Variants in DCC observed in about 807,000 individuals in gnomAD.
DCC encodes the protein DCC netrin 1 receptor.
A neutral mutation model predicts 172.5 loss-of-function variants in DCC; 58 were observed. That is an observed-to-expected ratio of 0.34 (90% CI 0.27 to 0.42). The LOEUF (loss-of-function observed/expected upper bound fraction) is 0.42, where lower values mean the gene tolerates loss of function less well. Among genes scored for constraint, DCC ranks in the 10% least tolerant of loss-of-function variants. The pLI, the probability that DCC is intolerant of heterozygous loss-of-function variation, is 1.00. For missense variants in DCC, 1,740 were observed against 1,791.0 expected (o/e 0.97, Z 0.51); for synonymous variants, 709 against 644.5 (o/e 1.10, Z -1.52).
chr18:52,382,432 C>G (rs748056440), intron 1 of DCC, among the ~76,000 whole-genome samples: 1 of 151,862 alleles, frequency 6.6e-6, no homozygotes, highest in African/African-American at 2.4e-5. Context: ...AAATAAATGC[C>G]TTAATGAAGA....
chr18:52,667,947 A>G (rs2035483927), intron 1 of DCC, among the ~76,000 whole-genome samples: 1 of 152,180 alleles, frequency 6.6e-6, no homozygotes, highest in African/African-American at 2.4e-5. Flanking sequence ...CAAAAAAGAA[A>G]GAAGACATGT....
At chr18:53,366,137 A>G (rs1198492462) in intron 15 of DCC, among the ~76,000 whole-genome samples, 1 of 152,016 alleles carries the variant, frequency 6.6e-6, no homozygotes, top group Non-Finnish European at 1.5e-5. Context: ...GCTCACTGCA[A>G]TCTCCGCCTC....
At chr18:53,433,934 C>T (rs1273742148) in intron 21 of DCC, among the ~76,000 whole-genome samples, 3 of 152,164 alleles carry the variant, frequency 2.0e-5, no homozygotes, top group Non-Finnish European at 4.4e-5. Flanking sequence ...ATTTGACATC[C>T]TAACTTCAGC....
intron 1 of DCC, among the ~76,000 whole-genome samples, chr18:52,704,903 T>A (rs761105717): frequency 6.6e-6 from 1 of 152,194 alleles, no homozygotes; most frequent in Non-Finnish European, 1.5e-5. Flanking sequence ...GAGGCTATGT[T>A]GCAGCCTGGC....
chr18:52,501,739 A>T (rs548538823), intron 1 of DCC, among the ~76,000 whole-genome samples: 1 of 152,126 alleles, frequency 6.6e-6, no homozygotes, highest in African/African-American at 2.4e-5. Context: ...TGCTGTCAAA[A>T]TTTCTGAGTG....
At chr18:53,093,536 G>A (rs563731526) in intron 7 of DCC, among the ~76,000 whole-genome samples, 4 of 152,148 alleles carry the variant, frequency 2.6e-5, no homozygotes, top group Admixed American at 6.6e-5. Flanking sequence ...AAAAGGAAGC[G>A]TTAGGCATGC....
chr18:52,697,424 T>C (rs922728754), intron 1 of DCC, among the ~76,000 whole-genome samples: 1 of 152,260 alleles, frequency 6.6e-6, no homozygotes, highest in Non-Finnish European at 1.5e-5. Context: ...CCTAGAGGTC[T>C]CTTATCTCTG....
intron 14 of DCC, among the ~76,000 whole-genome samples, chr18:53,330,718 A>C (rs2057521624): frequency 6.6e-6 from 1 of 152,042 alleles, no homozygotes; most frequent in Non-Finnish European, 1.5e-5. Flanking sequence ...AAGCCTTTGG[A>C]CTTAGCAAGC....
intron 5 of DCC, among the ~76,000 whole-genome samples, chr18:53,047,562 G>A (rs907819411): frequency 2.0e-4 from 29 of 142,298 alleles, no homozygotes; most frequent in African/African-American, 4.5e-4. Context: ...CCTACCCTTC[G>A]TTGCCTTCAA....
intron 1 of DCC, among the ~76,000 whole-genome samples, chr18:52,692,976 G>A (rs1411057087): frequency 6.6e-6 from 1 of 152,102 alleles, no homozygotes; most frequent in Non-Finnish European, 1.5e-5. Flanking sequence ...TAGAAGCCAG[G>A]AGAGTTTGCC....
chr18:52,980,375 C>G (rs539721515), intron 5 of DCC, among the ~76,000 whole-genome samples: 2 of 151,996 alleles, frequency 1.3e-5, no homozygotes, highest in African/African-American at 4.8e-5. Flanking sequence ...AGGTGAAAAC[C>G]ATCACAAAGT....
intron 12 of DCC, among the ~76,000 whole-genome samples, chr18:53,276,011 A>G (rs986835888): frequency 5.3e-5 from 8 of 152,144 alleles, no homozygotes; most frequent in African/African-American, 1.9e-4. Flanking sequence ...CAAAGATTTT[A>G]TTCATTTCAT....
At chr18:53,364,935 T>C (rs891919836) in intron 15 of DCC, among the ~76,000 whole-genome samples, 2 of 152,122 alleles carry the variant, frequency 1.3e-5, no homozygotes, top group African/African-American at 4.8e-5. Flanking sequence ...GTTTTCCACA[T>C]TGATGGAAAT....
At chr18:52,519,593 T>C (rs1144054) in intron 1 of DCC, among the ~76,000 whole-genome samples, 38,310 of 151,990 alleles carry the variant, frequency 0.25, 5,041 homozygotes, top group African/African-American at 0.32. Flanking sequence ...TAAAGCAAAG[T>C]TAAAAGAAAT....
At position 53,265,543 on chromosome 18, in the gene DCC, C is replaced by T. The variant is rs1431198; in HGVS notation, c.1912-40035C>T. ...GAATTTGGAGACCATTTTTATTTTC[C>T]GTTTCCCTGTTAGTTTTCTGAATCT... is the stretch of plus-strand genomic sequence containing the variant. On this transcript the variant is annotated intron_variant, in intron 12 of 28. Coordinates refer to ENST00000442544, the MANE Select transcript of DCC (RefSeq NM_005215.4). Among the ~76,000 whole-genome samples, 432 of 152,214 alleles carry T rather than the reference C, an allele frequency of 2.8e-3. 3 individuals are homozygous for T. The highest frequency in any genetic ancestry group is 8.4e-3 in the African/African-American group (351 of 41,552).
At chr18:53,107,537 GAAGGA>G (rs1393929810) in intron 7 of DCC, among the ~76,000 whole-genome samples, 1 of 85,472 alleles carries the variant, frequency 1.2e-5, no homozygotes, top group African/African-American at 7.3e-5. Context: ...AAAAAAAAAG[GAAGGA>G]AAAAAAAAAA....
At chr18:52,666,984 C>T (rs1047245870) in intron 1 of DCC, among the ~76,000 whole-genome samples, 24 of 151,928 alleles carry the variant, frequency 1.6e-4, no homozygotes, top group African/African-American at 4.6e-4. Flanking sequence ...CTAATAAGAA[C>T]GAAATTGAAT....
At chr18:52,962,537 T>A (rs866158445) in intron 5 of DCC, among the ~76,000 whole-genome samples, 1 of 151,436 alleles carries the variant, frequency 6.6e-6, no homozygotes, top group African/African-American at 2.5e-5. Context: ...CAATGTGGAA[T>A]TCAGTGTGGC....
At chr18:53,347,976 T>C (rs1466126590) in intron 15 of DCC, among the ~76,000 whole-genome samples, 3 of 152,066 alleles carry the variant, frequency 2.0e-5, no homozygotes, top group Non-Finnish European at 2.9e-5. Context: ...GAGATTTGGG[T>C]GGGGACACAG....
Sources: gnomAD v4.1 joint callset for allele counts (sites outside exome capture counted in the v4.1 genomes callset) on GRCh38, gnomAD v4.1.1 for gene constraint, MANE v1.5 for transcripts, NCBI Gene and HGNC (gene_info 2026-07-23, HGNC 2026-07-21) for gene names.